KIRREL3: variants seen among roughly 807,000 people sequenced by gnomAD.
The protein encoded by KIRREL3 is kin of IRRE-like protein 3.
A neutral mutation model predicts 89.7 loss-of-function variants in KIRREL3; 36 were observed. The ratio of observed to expected loss-of-function variants is 0.40; its 90% confidence interval spans 0.31 to 0.53. KIRREL3 has a LOEUF of 0.53. KIRREL3 is among the 20% of genes least tolerant of loss of function. The pLI is 0.49. For synonymous variants in KIRREL3, 445 were observed against 441.4 expected, an observed-to-expected ratio of 1.01 and a Z score of -0.10; for missense variants, 864 against 1,056.6, an observed-to-expected ratio of 0.82 and a Z score of 2.53.
rs1274829311 is a variant in KIRREL3 at position 127,000,607 on chromosome 11, G to C, written c.-98C>G. 2.3e-6 allele frequency: 3 copies of C among 1,304,342 alleles called. No homozygotes were observed. The highest frequency in any genetic ancestry group is 3.0e-5 in the African/African-American group (2 of 67,064). The allele number at this position is 1,304,342 out of a possible 1,614,324, so 80.8% of individuals were successfully genotyped here. On this transcript the variant is annotated 5_prime_UTR_variant, in exon 1 of 17. Coordinates refer to ENST00000525144, the MANE Select transcript of KIRREL3 (RefSeq NM_032531.4). This position sits in a 1 kb window ranked among gnomAD's most constrained non-coding sequence, Gnocchi z 7.1. ...GTGCTCAGCCTCCGCCGGTCCTCTC[G>C]GGTTCGCGCCTACCATCTGTCCGTC...
chr11:126,798,774 TG>T (rs1165350630), intron 1 of KIRREL3, among the ~76,000 whole-genome samples: 1 of 152,208 alleles, frequency 6.6e-6, no homozygotes, highest in Non-Finnish European at 1.5e-5. Context: ...AGCATTAGCC[TG>T]GGAAACATTT....
intron 1 of KIRREL3, among the ~76,000 whole-genome samples, chr11:126,911,792 G>A (rs1414781946): frequency 6.6e-6 from 1 of 151,832 alleles, no homozygotes; most frequent in Non-Finnish European, 1.5e-5. Context: ...GACCATCCTG[G>A]CTAACACGGT....
intron 4 of KIRREL3, among the ~76,000 whole-genome samples, chr11:126,507,382 G>A (rs1422103333): frequency 6.6e-6 from 1 of 151,988 alleles, no homozygotes; most frequent in African/African-American, 2.4e-5. Flanking sequence ...AAAAATAAGG[G>A]GAAAGAAAAA....
chr11:126,781,588 A>G (rs1207129252), intron 1 of KIRREL3, among the ~76,000 whole-genome samples: 2 of 152,204 alleles, frequency 1.3e-5, no homozygotes, highest in East Asian at 3.9e-4. Context: ...TCCTCACACT[A>G]AAATTCTATG....
rs1943314114 is a variant in KIRREL3, at chr11:126,615,677, T to C, written c.56-52765A>G. 6.6e-6 allele frequency among the ~76,000 whole-genome samples: 1 copy of C among 152,140 alleles called. No homozygotes were observed. Among genetic ancestry groups the C allele is most frequent in the African/African-American group, 2.4e-5 (1 of 41,424 alleles). On this transcript the variant is annotated intron_variant, in intron 1 of 16. Coordinates refer to ENST00000525144, the MANE Select transcript of KIRREL3 (RefSeq NM_032531.4). The surrounding 1 kb of genome is among the most constrained non-coding windows in gnomAD (Gnocchi z 5.4). The stretch of plus-strand genomic sequence containing the variant: ...GATGGAGCCAGGAGCTGAGTAGATT[T>C]TTAGAGTCTGAGGTCACCCAGTTAC...
intron 2 of KIRREL3, among the ~76,000 whole-genome samples, chr11:126,543,207 G>C (rs1313126115): frequency 6.6e-6 from 1 of 152,162 alleles, no homozygotes; most frequent in Non-Finnish European, 1.5e-5. Flanking sequence ...TGCCATTACT[G>C]CCCTAGTCTC....
Position 126,647,104 on chromosome 11 carries a change from T to C in KIRREL3, c.56-84192A>G, listed in dbSNP as rs1944720378. Among the ~76,000 whole-genome samples the C allele has an allele frequency of 6.6e-6, 1 of 152,190 alleles. No individual in the cohort carries two copies. The highest frequency in any genetic ancestry group is 2.4e-5 in the African/African-American group (1 of 41,454). Reference sequence around the variant, plus strand: ...TTCCAACCACTGACAAACAGGAGGCTCGGCACTTTTCATTTTAGGCACTTT... The same window carrying C: ...TTCCAACCACTGACAAACAGGAGGCCCGGCACTTTTCATTTTAGGCACTTT... On this transcript the variant is annotated intron_variant, in intron 1 of 16. Transcript: ENST00000525144. The surrounding 1 kb of genome is among the most constrained non-coding windows in gnomAD (Gnocchi z 4.9).
At chr11:126,887,523 T>C (rs1190598342) in intron 1 of KIRREL3, among the ~76,000 whole-genome samples, 2 of 152,112 alleles carry the variant, frequency 1.3e-5, no homozygotes, top group Non-Finnish European at 2.9e-5. Context: ...TTGTGAGGCA[T>C]GTTGTTCTGT....
intron 1 of KIRREL3, among the ~76,000 whole-genome samples, chr11:126,988,303 A>G (rs1384252476): frequency 6.6e-6 from 1 of 152,194 alleles, no homozygotes; most frequent in Non-Finnish European, 1.5e-5. Context: ...GTCGCTAGCC[A>G]TGGAGGAAAG....
intron 1 of KIRREL3, among the ~76,000 whole-genome samples, chr11:126,975,113 A>G (rs956389076): frequency 3.9e-5 from 6 of 152,026 alleles, no homozygotes; most frequent in Non-Finnish European, 5.9e-5. Flanking sequence ...CCTGGCCTCA[A>G]AACACTATTA....
intron 2 of KIRREL3, among the ~76,000 whole-genome samples, chr11:126,559,844 TA>T (rs1216548544): frequency 2.1e-5 from 3 of 142,170 alleles, no homozygotes; most frequent in African/African-American, 7.4e-5. Flanking sequence ...TGATTATTAT[TA>T]TTTTTTTTTG....
In KIRREL3 at chr11:126,443,900, G is replaced by A. The variant is rs747534003; in HGVS notation, c.1252+1079C>T. Among the ~76,000 whole-genome samples, 1 of 152,178 alleles carries A rather than the reference G, an allele frequency of 6.6e-6. No individual in the cohort carries two copies. Among genetic ancestry groups the A allele is most frequent in the African/African-American group, 2.4e-5 (1 of 41,442 alleles). On this transcript the variant is annotated intron_variant, in intron 10 of 16. Coordinates refer to ENST00000525144, the MANE Select transcript of KIRREL3 (RefSeq NM_032531.4). This position sits in a 1 kb window ranked among gnomAD's most constrained non-coding sequence, Gnocchi z 7.3. ...ATGGTGGGAACAGGGGCCTCCCAAA[G>A]GGCAGTGGGCATGACAGAGGTGAGG...
chr11:126,764,989 T>C lies in KIRREL3; in HGVS notation c.56-202077A>G, dbSNP rs552203281. Among the ~76,000 whole-genome samples, 3 of 152,186 alleles carry C rather than the reference T, an allele frequency of 2.0e-5. No homozygotes were observed. The highest frequency in any genetic ancestry group is 4.4e-5 in the Non-Finnish European group (3 of 68,030). On this transcript the variant is annotated intron_variant, in intron 1 of 16. Coordinates refer to ENST00000525144, the MANE Select transcript of KIRREL3 (RefSeq NM_032531.4). The surrounding 1 kb of genome is among the most constrained non-coding windows in gnomAD (Gnocchi z 4.2). Reference sequence around the variant, plus strand: ...TGGAAACTTTTGAGGGTACAAATAGTATACAGGTCAAAAAGTAAAAGGTAT... The same window carrying C: ...TGGAAACTTTTGAGGGTACAAATAGCATACAGGTCAAAAAGTAAAAGGTAT...
intron 1 of KIRREL3, among the ~76,000 whole-genome samples, chr11:126,927,651 C>A (rs951407911): frequency 1.3e-5 from 2 of 152,288 alleles, no homozygotes; most frequent in East Asian, 1.9e-4. Flanking sequence ...AGAAAAGCAA[C>A]GAAGATTTCC....
At chr11:126,596,920 T>A (rs1177261241) in intron 1 of KIRREL3, among the ~76,000 whole-genome samples, 2 of 152,160 alleles carry the variant, frequency 1.3e-5, no homozygotes, top group African/African-American at 4.8e-5. Flanking sequence ...TGCAGATCCA[T>A]CTACCAGTTT....
intron 7 of KIRREL3, among the ~76,000 whole-genome samples, chr11:126,452,001 C>G (rs1956194787): frequency 6.6e-6 from 1 of 152,056 alleles, no homozygotes; most frequent in Non-Finnish European, 1.5e-5. Context: ...TTCCTGGAGC[C>G]TTTCCTGGCA....
At chr11:126,426,775 T>G (rs893968816) in intron 15 of KIRREL3, among the ~76,000 whole-genome samples, 1 of 152,218 alleles carries the variant, frequency 6.6e-6, no homozygotes, top group Non-Finnish European at 1.5e-5. Context: ...CGTTTCTTTT[T>G]GGAGCCCTGT....
At chr11:126,868,486 C>T (rs1944997963) in intron 1 of KIRREL3, among the ~76,000 whole-genome samples, 1 of 152,110 alleles carries the variant, frequency 6.6e-6, no homozygotes, top group Non-Finnish European at 1.5e-5. Context: ...TCACAGCCTT[C>T]CCTCTTTGGT....
At chr11:126,711,054 C>T (rs375044304) in intron 1 of KIRREL3, among the ~76,000 whole-genome samples, 1 of 152,266 alleles carries the variant, frequency 6.6e-6, no homozygotes, top group East Asian at 1.9e-4. Context: ...CTGTGGTCTA[C>T]ACAAATCAAC....
Sources: gnomAD v4.1 joint callset for allele counts (sites outside exome capture counted in the v4.1 genomes callset) on GRCh38, gnomAD v4.1.1 for gene constraint, Gnocchi (gnomAD v3.1) non-coding constraint, MANE v1.5 for transcripts, NCBI Gene and HGNC (gene_info 2026-07-23, HGNC 2026-07-21) for gene names.